Variants in HYDIN observed in about 807,000 individuals in gnomAD.
HYDIN encodes the protein axonemal central pair apparatus protein HYDIN.
In HYDIN, 132 loss-of-function variants were observed where a neutral mutation model predicts 403.9. The ratio of observed to expected loss-of-function variants is 0.33; its 90% CI spans 0.28 to 0.38. HYDIN has a LOEUF of 0.38. HYDIN is among the 10% of genes least tolerant of loss of function. The pLI, the probability that HYDIN is intolerant of heterozygous loss-of-function variation, is 1.00. For missense variants in HYDIN, 2,827 were observed against 5,009.5 expected (o/e 0.56, Z 13.15); for synonymous variants, 1,202 against 1,891.7 (o/e 0.64, Z 9.46).
At chr16:71,169,833 G>A (rs2086390825) in intron 5 of HYDIN, among the ~76,000 whole-genome samples, 1 of 152,140 alleles carries the variant, frequency 6.6e-6, no homozygotes, top group Non-Finnish European at 1.5e-5. Flanking sequence ...TTATAAGTAT[G>A]TGAGGTAATG....
At chr16:71,184,763 T>A in intron 3 of HYDIN, 102 bp downstream of exon 3, 16 of 985,496 alleles carry the variant, frequency 1.6e-5, no homozygotes, top group Non-Finnish European at 2.3e-5. Context: ...ACAAACCCAA[T>A]AAAGGATTAG....
rs1194525632 is a variant in HYDIN at position 70,890,895 on chromosome 16, G to A, written c.9656+751C>T. Among the ~76,000 whole-genome samples the A allele has an allele frequency of 3.3e-5, 5 of 151,354 alleles. No homozygotes were observed. The East Asian group carries it at 5.8e-4, about 18-fold the overall frequency. On this transcript the variant is annotated intron_variant, in intron 57 of 85. Transcript: ENST00000393567. ...CATCACCGCACTTCCTCTCTTCCAC[G>A]CTTCCAGAGCAGCCCCACCATGAAG...
chr16:71,156,349 T>C (rs1354531707), intron 6 of HYDIN, among the ~76,000 whole-genome samples: 3 of 152,162 alleles, frequency 2.0e-5, no homozygotes, highest in African/African-American at 7.2e-5. Context: ...TTGGGTAGAG[T>C]GTGTCAAGTT....
chr16:70,958,537 G>A (rs1462496680), intron 39 of HYDIN, among the ~76,000 whole-genome samples: 1 of 151,628 alleles, frequency 6.6e-6, no homozygotes, highest in African/African-American at 2.4e-5. Context: ...ACACTAAAAT[G>A]GCCTGAGCCT....
At chr16:71,055,609 C>T (rs1204205277) in intron 18 of HYDIN, among the ~76,000 whole-genome samples, 1 of 151,900 alleles carries the variant, frequency 6.6e-6, no homozygotes, top group Non-Finnish European at 1.5e-5. Context: ...CTGTGTATGG[C>T]TGTGGCAAGT....
At chr16:71,213,464 T>C (rs557236174) in intron 1 of HYDIN, among the ~76,000 whole-genome samples, 164 of 152,298 alleles carry the variant, frequency 1.1e-3, no homozygotes, top group African/African-American at 3.8e-3. Context: ...ACAGTTTTTA[T>C]TAACTTAGTT....
chr16:70,989,301 G>A (rs115826499), intron 25 of HYDIN, among the ~76,000 whole-genome samples: 9,120 of 152,098 alleles, frequency 0.06, 922 homozygotes, highest in African/African-American at 0.21. Flanking sequence ...GGCTCCCAAA[G>A]TACTGGGGTT....
At chr16:70,976,928 C>A (rs1411402693) in intron 30 of HYDIN, among the ~76,000 whole-genome samples, 3 of 151,850 alleles carry the variant, frequency 2.0e-5, no homozygotes, top group Non-Finnish European at 4.4e-5. Flanking sequence ...GTGTGACAAA[C>A]TGGGAGAGGA....
At chr16:70,932,701 A>AGAG (rs1439407704) in intron 45 of HYDIN, among the ~76,000 whole-genome samples, 1 of 152,248 alleles carries the variant, frequency 6.6e-6, no homozygotes, top group African/African-American at 2.4e-5. Context: ...AAAATCCTGA[A>AGAG]GAGGAGTTCA....
intron 8 of HYDIN, chr16:71,132,791 G>A (rs2084763474): frequency 6.6e-6 from 1 of 152,050 alleles, no homozygotes; most frequent in African/African-American, 2.4e-5. Context: ...TTCCTCTGAT[G>A]GAGAATTGGA....
intron 1 of HYDIN, among the ~76,000 whole-genome samples, chr16:71,200,360 C>G (rs1567443863): frequency 6.6e-6 from 1 of 152,196 alleles, no homozygotes; most frequent in Non-Finnish European, 1.5e-5. Flanking sequence ...AGAACCCTCT[C>G]TTGGGGTCTG....
intron 29 of HYDIN, among the ~76,000 whole-genome samples, chr16:70,981,133 T>G (rs2079032983): frequency 6.6e-6 from 1 of 152,016 alleles, no homozygotes; most frequent in African/African-American, 2.4e-5. Context: ...GAAAAGCTTT[T>G]GGAGGTAAAT....
At chr16:70,882,382 A>G (rs2040861825) in intron 60 of HYDIN, among the ~76,000 whole-genome samples, 1 of 152,094 alleles carries the variant, frequency 6.6e-6, no homozygotes, top group Non-Finnish European at 1.5e-5. Flanking sequence ...TCTCCCCACC[A>G]TGCTTTGTCT....
At chr16:70,879,791 G>A (rs1205055588) in intron 60 of HYDIN, 35 bp from the exon 61 acceptor site, 3 of 787,532 alleles carry the variant, frequency 3.8e-6, no homozygotes, top group Non-Finnish European at 6.0e-6. Flanking sequence ...GTGTGTCAGT[G>A]CCTTTGTATT....
intron 1 of HYDIN, among the ~76,000 whole-genome samples, chr16:71,209,014 A>T (rs2088443432): frequency 6.6e-6 from 1 of 152,064 alleles, no homozygotes; most frequent in Non-Finnish European, 1.5e-5. Context: ...CAAACAATTG[A>T]AGGGGAGGGA....
chr16:70,952,452 T>C lies in HYDIN; in HGVS notation c.6500A>G (p.Gln2167Arg). The C allele has an allele frequency of 7.2e-7, 1 of 1,385,574 alleles. No individual in the cohort carries two copies. Among genetic ancestry groups the C allele is most frequent in the Non-Finnish European group, 9.9e-7 (1 of 1,012,496 alleles). The allele number at this position is 1,385,574 out of a possible 1,614,324, so 85.8% of individuals were successfully genotyped here. ...ADSHGSGSQKQHHSHQSETPQ... is the reference protein window; with the variant it reads ...ADSHGSGSQKRHHSHQSETPQ... ...TGTTTCAGACTGGTGTGAGTGATGCTGCTTCTGTGACCCGGAGCCATGGCT... is the reference window on the plus strand; with the variant it reads ...TGTTTCAGACTGGTGTGAGTGATGCCGCTTCTGTGACCCGGAGCCATGGCT... Residue 2167 changes from glutamine (Q) to arginine (R), a missense_variant, in exon 41 of 86, where the codon CAG becomes CGG. Gln to Arg is a conservative substitution (Grantham distance 43, BLOSUM62 1). Coordinates refer to ENST00000393567, the MANE Select transcript of HYDIN (RefSeq NM_001270974.2).
In HYDIN at chr16:71,184,926, C is replaced by T. The variant is rs764465326; in HGVS notation, c.200G>A (p.Arg67His). ...GATGATCTGTGGTCGGCACATCAAA[C>T]GTGTTTTTGCCAGTCTCTGCTCGGT... is the stretch of plus-strand genomic sequence containing the variant. ...LTTEQRLAKT[R>H]LMCRPQIIEL... The change falls in exon 3 of 86, where the codon CGT becomes CAT. Residue 67 changes from arginine to histidine, a missense_variant. Transcript: ENST00000393567. The T allele has an allele frequency of 5.6e-6, 9 of 1,610,902 alleles. No homozygotes were observed. The highest frequency in any genetic ancestry group is 4.0e-5 in the African/African-American group (3 of 74,890).
rs1409781983 is a variant in HYDIN, at chr16:71,186,767, G to A, written c.129C>T (p.Asn43=). The part of the protein sequence containing the change: ...SPKVVTEEEV[N]RMLTPSEFLK... ...TAATTCCCGGATACATTACCATTCG[G>A]TTTACTTCTTCTTCTGTAACCACCT... The change falls in exon 2 of 86, where the codon AAC becomes AAT. Residue 43 remains asparagine, a synonymous_variant. Coordinates refer to ENST00000393567, the MANE Select transcript of HYDIN (RefSeq NM_001270974.2). 1.2e-6 allele frequency: 2 copies of A among 1,611,634 alleles called. No homozygotes were observed. The highest frequency in any genetic ancestry group is 2.2e-5 in the East Asian group (1 of 44,818).
intron 41 of HYDIN, among the ~76,000 whole-genome samples, chr16:70,951,281 G>GA (rs1567892472): frequency 0.011 from 1,019 of 95,640 alleles, 43 homozygotes; most frequent in African/African-American, 0.031. Context: ...AGAGAGAGAG[G>GA]GAGAGAGGGA....
Sources: gnomAD v4.1 joint callset for allele counts (sites outside exome capture counted in the v4.1 genomes callset) on GRCh38, gnomAD v4.1.1 for gene constraint, MANE v1.5 for transcripts, NCBI Gene and HGNC (gene_info 2026-07-23, HGNC 2026-07-21) for gene names.